OR1D2: variants seen among roughly 807,000 people sequenced by gnomAD.
OR1D2 encodes olfactory receptor family 1 subfamily D member 2.
For missense variants in OR1D2, 357 were observed against 376.1 expected, an observed-to-expected ratio of 0.95 and a Z score of 0.42; for synonymous variants, 157 against 153.9, an observed-to-expected ratio of 1.02 and a Z score of -0.15.
chr17:3,090,585 A>G lies in OR1D2; in HGVS notation c.*1473T>C, dbSNP rs942237974. The stretch of plus-strand genomic sequence containing the variant: ...AGCAGTCATCTCTTTTAGTCTTTAC[A>G]GGCTGGTTTTGATAGGGAAAGTCCA... On this transcript the variant is annotated 3_prime_UTR_variant, in exon 2 of 2. Coordinates refer to ENST00000641833, the MANE Select transcript of OR1D2 (RefSeq NM_002548.3). 1 of 152,210 alleles carries G rather than the reference A, an allele frequency of 6.6e-6. No homozygotes were observed. Among genetic ancestry groups the G allele is most frequent in the African/African-American group, 2.4e-5 (1 of 41,448 alleles). 9.4% of individuals were successfully genotyped at this position (152,210 alleles called of 1,614,324 possible). A position where few individuals can be genotyped will look rare whatever the true frequency, so the allele number is the denominator to read the frequency against.
rs775001821 is a variant in OR1D2 at position 3,093,046 on chromosome 17, C to A, written c.-50G>T. On this transcript the variant is annotated splice_region_variant and 5_prime_UTR_variant, in exon 2 of 2. Transcript: ENST00000641833. ...ACACCAGCAAATGTTTACCAAAAGT[C>A]CTTAATTGAATAAAAACATGAAGAT... 4 of 1,522,928 alleles carry A rather than the reference C, an allele frequency of 2.6e-6. No individual in the cohort carries two copies. Among genetic ancestry groups the A allele is most frequent in the Non-Finnish European group, 3.6e-6 (4 of 1,111,728 alleles). The allele number at this position is 1,522,928 out of a possible 1,614,324, so 94.3% of individuals were successfully genotyped here.
rs1567947249 is a variant in OR1D2, at chr17:3,091,376, CGT to C, written c.*680_*681del. The stretch of plus-strand genomic sequence containing the variant: ...GCTTTATATATTCCTGTGCTTTCAT[CGT>C]GTCTCTTTAAATACATCTATCTATA... On this transcript the variant is annotated 3_prime_UTR_variant, in exon 2 of 2. Transcript: ENST00000641833. 2.0e-5 allele frequency: 3 copies of C among 152,114 alleles called. No homozygotes were observed. Among genetic ancestry groups the C allele is most frequent in the African/African-American group, 7.2e-5 (3 of 41,404 alleles). 9.4% of individuals were successfully genotyped at this position (152,114 alleles called of 1,614,324 possible).
In OR1D2 at chr17:3,092,142, A is replaced by G; in HGVS notation, c.855T>C (p.Asn285=). ...VMYAVVTPMM[N]PFIYSLRNKD... ...TGTTCCTCAGGCTGTAGATGAAGGG[A>G]TTCATCATGGGTGTCACCACAGCAT... Residue 285 remains asparagine (N), a synonymous_variant, in exon 2 of 2, where the codon AAT becomes AAC. Coordinates refer to ENST00000641833, the MANE Select transcript of OR1D2 (RefSeq NM_002548.3). 1 of 1,613,980 alleles carries G rather than the reference A, an allele frequency of 6.2e-7. No individual in the cohort carries two copies. The highest frequency in any genetic ancestry group is 8.5e-7 in the Non-Finnish European group (1 of 1,179,900).
At chr17:3,102,113 C>T (rs1481954967) in intron 1 of OR1D2, among the ~76,000 whole-genome samples, 2 of 152,142 alleles carry the variant, frequency 1.3e-5, no homozygotes, top group Admixed American at 6.5e-5. Flanking sequence ...GGAAAACCAG[C>T]CAGTGTGCCA....
Position 3,088,491 on chromosome 17 carries a change from A to G in OR1D2, c.*3567T>C, listed in dbSNP as rs1225177542. 2 of 152,174 alleles carry G rather than the reference A, an allele frequency of 1.3e-5. No individual in the cohort carries two copies. Among genetic ancestry groups the G allele is most frequent in the African/African-American group, 4.8e-5 (2 of 41,424 alleles). The allele number at this position is 152,174 out of a possible 1,614,324, so 9.4% of individuals were successfully genotyped here. A position where few individuals can be genotyped will look rare whatever the true frequency, so the allele number is the denominator to read the frequency against. ...ACCAAGTTAAAGAAGGAAGGGGTTT[A>G]TTTGGCCAGGAGCATCGGCAAGACT... is the stretch of plus-strand genomic sequence containing the variant. On this transcript the variant is annotated 3_prime_UTR_variant, in exon 2 of 2. Coordinates refer to ENST00000641833, the MANE Select transcript of OR1D2 (RefSeq NM_002548.3).
At chr17:3,097,513 A>T (rs1036154459) in intron 1 of OR1D2, among the ~76,000 whole-genome samples, 1 of 152,144 alleles carries the variant, frequency 6.6e-6, no homozygotes, top group African/African-American at 2.4e-5. Context: ...CAGGGAAATC[A>T]TGCTTTTTCC....
Position 3,093,001 on chromosome 17 carries a change from C to T in OR1D2, c.-5G>A, listed in dbSNP as rs2047825220. The T allele has an allele frequency of 6.2e-7, 1 of 1,613,132 alleles. No individual in the cohort carries two copies. Among genetic ancestry groups the T allele is most frequent in the Non-Finnish European group, 8.5e-7 (1 of 1,179,398 alleles). On this transcript the variant is annotated 5_prime_UTR_variant, in exon 2 of 2. An upstream open reading frame in the 5' UTR gains an earlier in-frame stop. Coordinates refer to ENST00000641833, the MANE Select transcript of OR1D2 (RefSeq NM_002548.3). ...ACTCTGGTTGCCTCCATCCATTTCC[C>T]CAACTCTCTTTTAACATTAACACCA... is the stretch of plus-strand genomic sequence containing the variant.
chr17:3,091,756 A>C lies in OR1D2; in HGVS notation c.*302T>G. 1 of 254,276 alleles carries C rather than the reference A, an allele frequency of 3.9e-6. No individual in the cohort carries two copies. The highest frequency in any genetic ancestry group is 7.6e-6 in the Non-Finnish European group (1 of 131,802). 15.8% of individuals were successfully genotyped at this position (254,276 alleles called of 1,614,324 possible). A position where few individuals can be genotyped will look rare whatever the true frequency, so the allele number is the denominator to read the frequency against. ...TGTGTGCTAGATGAGAGACACTTCT[A>C]GGTTTAAACTGGATATAGTCAGATA... On this transcript the variant is annotated 3_prime_UTR_variant, in exon 2 of 2. Transcript: ENST00000641833.
In OR1D2 at chr17:3,104,366, T is replaced by C. The variant is rs1168879566; in HGVS notation, c.-318A>G. ...GATATGAGAACTGAGTCTTGGATCC[T>C]AGATTCATGAAGAAACGGGATGAAC... On this transcript the variant is annotated 5_prime_UTR_variant, in exon 1 of 2. Transcript: ENST00000641833. The C allele has an allele frequency of 6.6e-6, 1 of 152,168 alleles. No individual in the cohort carries two copies. The highest frequency in any genetic ancestry group is 1.5e-5 in the Non-Finnish European group (1 of 68,016). 9.4% of individuals were successfully genotyped at this position (152,168 alleles called of 1,614,324 possible). A position where few individuals can be genotyped will look rare whatever the true frequency, so the allele number is the denominator to read the frequency against.
chr17:3,101,035 C>T (rs1280929826), intron 1 of OR1D2, among the ~76,000 whole-genome samples: 1 of 152,044 alleles, frequency 6.6e-6, no homozygotes, highest in Non-Finnish European at 1.5e-5. Context: ...AATTAATAGC[C>T]TACCAACCAA....
At position 3,092,314 on chromosome 17, in the gene OR1D2, A is replaced by G; in HGVS notation, c.683T>C (p.Ile228Thr). 6.2e-7 allele frequency: 1 copy of G among 1,614,206 alleles called. No homozygotes were observed. Among genetic ancestry groups the G allele is most frequent in the Non-Finnish European group, 8.5e-7 (1 of 1,180,034 alleles). The change falls in exon 2 of 2, where the codon ATA (isoleucine) becomes ACA (threonine). Residue 228 changes from isoleucine (I) to threonine (T), a missense_variant. Physicochemically the swap from Ile to Thr is moderately conservative, Grantham distance 89 (BLOSUM62 -1). Coordinates refer to ENST00000641833, the MANE Select transcript of OR1D2 (RefSeq NM_002548.3). Reference protein sequence around the residue: ...YVLIIRAILRIPSVSKKYKAF... With the variant: ...YVLIIRAILRTPSVSKKYKAF... ...TTTGTATTTCTTAGAGACTGAGGGT[A>G]TTCTGAGGATGGCTCTGATAATCAG...
At chr17:3,101,425 A>G (rs1190919892) in intron 1 of OR1D2, among the ~76,000 whole-genome samples, 1 of 152,198 alleles carries the variant, frequency 6.6e-6, no homozygotes, top group African/African-American at 2.4e-5. Flanking sequence ...CAACAACCAT[A>G]CGATTATCTC....
chr17:3,093,101 G>A, intron 1 of OR1D2, 55 bp from the exon 2 acceptor site: 1 of 1,080,380 alleles, frequency 9.3e-7, no homozygotes, highest in South Asian at 1.5e-5. Context: ...TTAGAATTAA[G>A]AATGTCTTAC....
At chr17:3,102,787 C>G (rs2047880595) in intron 1 of OR1D2, among the ~76,000 whole-genome samples, 1 of 152,144 alleles carries the variant, frequency 6.6e-6, no homozygotes, top group Non-Finnish European at 1.5e-5. Flanking sequence ...TTGGAAGGGG[C>G]CTGTGATGGG....
Position 3,089,098 on chromosome 17 carries a change from A to G in OR1D2, c.*2960T>C, listed in dbSNP as rs1368888075. Reference sequence around the variant, plus strand: ...AGATTTGTTTTTCTGGTTCCTTCTCATTTGGGTAGACTATGTCAGAAGGAA... The same window carrying G: ...AGATTTGTTTTTCTGGTTCCTTCTCGTTTGGGTAGACTATGTCAGAAGGAA... On this transcript the variant is annotated 3_prime_UTR_variant, in exon 2 of 2. Transcript: ENST00000641833. 6.6e-6 allele frequency: 1 copy of G among 152,036 alleles called. No individual in the cohort carries two copies. The highest frequency in any genetic ancestry group is 2.4e-5 in the African/African-American group (1 of 41,382). 9.4% of individuals were successfully genotyped at this position (152,036 alleles called of 1,614,324 possible).
At chr17:3,101,537 T>C (rs897458808) in intron 1 of OR1D2, among the ~76,000 whole-genome samples, 4 of 152,142 alleles carry the variant, frequency 2.6e-5, no homozygotes, top group Non-Finnish European at 5.9e-5. Context: ...ATAAGAGCTA[T>C]TTATGACAAA....
In OR1D2 at chr17:3,090,694, C is replaced by T. The variant is rs1473368026; in HGVS notation, c.*1364G>A. On this transcript the variant is annotated 3_prime_UTR_variant, in exon 2 of 2. Transcript: ENST00000641833. The stretch of plus-strand genomic sequence containing the variant: ...TGGCAGGGTCTATGGGCAGGCAGGC[C>T]TAGTGCTTGGGGATGTGGGTGGATG... 4 of 152,298 alleles carry T rather than the reference C, an allele frequency of 2.6e-5. No individual in the cohort carries two copies. Among genetic ancestry groups the T allele is most frequent in the African/African-American group, 9.7e-5 (4 of 41,448 alleles). 9.4% of individuals were successfully genotyped at this position (152,298 alleles called of 1,614,324 possible). A position where few individuals can be genotyped will look rare whatever the true frequency, so the allele number is the denominator to read the frequency against.
chr17:3,091,327 G>A lies in OR1D2; in HGVS notation c.*731C>T, dbSNP rs2047806566. 2 of 152,128 alleles carry A rather than the reference G, an allele frequency of 1.3e-5. No homozygotes were observed. Among genetic ancestry groups the A allele is most frequent in the African/African-American group, 2.4e-5 (1 of 41,436 alleles). 9.4% of individuals were successfully genotyped at this position (152,128 alleles called of 1,614,324 possible). ...AAAATATTTAGTATTTTCCAAATAT[G>A]TCTGTTTCTCTTTTTAATTTCAAGC... is the stretch of plus-strand genomic sequence containing the variant. On this transcript the variant is annotated 3_prime_UTR_variant, in exon 2 of 2. Coordinates refer to ENST00000641833, the MANE Select transcript of OR1D2 (RefSeq NM_002548.3).
intron 1 of OR1D2, among the ~76,000 whole-genome samples, chr17:3,099,358 TG>T (rs1219793797): frequency 6.6e-6 from 1 of 151,728 alleles, no homozygotes; most frequent in Non-Finnish European, 1.5e-5. Flanking sequence ...TAGAAGAGAG[TG>T]GGGGCCAATA....
Sources: allele counts gnomAD v4.1 joint callset (sites outside exome capture counted in the v4.1 genomes callset), GRCh38; gene constraint gnomAD v4.1.1; transcripts MANE v1.5; gene names NCBI Gene and HGNC (gene_info 2026-07-23, HGNC 2026-07-21).